LRRC47: variants seen among roughly 807,000 people sequenced by gnomAD.
LRRC47 encodes the protein leucine-rich repeat-containing protein 47.
In LRRC47, 31 loss-of-function variants were observed where a neutral mutation model predicts 40.9. The observed-to-expected ratio is 0.76, with a 90% CI of 0.57 to 1.02. LRRC47 has a LOEUF of 1.02. Among genes scored for constraint, LRRC47 ranks in the 50% least tolerant of loss-of-function variants. The pLI is 0.00. For missense variants in LRRC47, 726 were observed against 796.1 expected, an observed-to-expected ratio of 0.91 and a Z score of 1.06; for synonymous variants, 427 against 371.9, an observed-to-expected ratio of 1.15 and a Z score of -1.70.
In LRRC47 at chr1:3,784,016, C is replaced by T. The variant is rs766327720; in HGVS notation, c.1290G>A (p.Gln430=). ...CCCACCTGTGCAGGCCCGACACACTCTGCCGCTTCTTCTGCTTCCTCTGCT... is the reference window on the plus strand; with the variant it reads ...CCCACCTGTGCAGGCCCGACACACTTTGCCGCTTCTTCTGCTTCCTCTGCT... ...AEEQRKQKKR[Q]SVSGLHRYLH... is the part of the protein sequence containing the mutation. The change falls in exon 4 of 7, where the codon CAG becomes CAA. Residue 430 remains glutamine, a synonymous_variant. Coordinates refer to ENST00000378251, the MANE Select transcript of LRRC47 (RefSeq NM_020710.3). 1.7e-5 allele frequency: 28 copies of T among 1,609,584 alleles called. No homozygotes were observed. Among genetic ancestry groups the T allele is most frequent in the Middle Eastern group, 1.7e-4 (1 of 6,042 alleles).
chr1:3,786,956 T>C lies in LRRC47; in HGVS notation c.970A>G (p.Arg324Gly), dbSNP rs1643581204. Reference protein sequence around the residue: ...VSENPVPLTVRVSPEVRDVRP... With the variant: ...VSENPVPLTVGVSPEVRDVRP... ...ACATCCCGGACCTCGGGGCTCACTC[T>C]GACTGTCAGAGGTACGGGGTTTTCA... Residue 324 changes from arginine to glycine, a missense_variant, in exon 2 of 7, where the codon AGA (arginine) becomes GGA (glycine). Coordinates refer to ENST00000378251, the MANE Select transcript of LRRC47 (RefSeq NM_020710.3). 1 of 1,610,934 alleles carries C rather than the reference T, an allele frequency of 6.2e-7. No individual in the cohort carries two copies. The highest frequency in any genetic ancestry group is 8.5e-7 in the Non-Finnish European group (1 of 1,178,764).
rs181156203 is a variant in LRRC47, at chr1:3,791,391, A to G, written c.616-4081T>C. Among the ~76,000 whole-genome samples the G allele has an allele frequency of 2.7e-3, 405 of 152,288 alleles. 2 individuals are homozygous for G. The highest frequency in any genetic ancestry group is 9.3e-3 in the African/African-American group (388 of 41,550). On this transcript the variant is annotated intron_variant, in intron 1 of 6. Coordinates refer to ENST00000378251, the MANE Select transcript of LRRC47 (RefSeq NM_020710.3). The stretch of plus-strand genomic sequence containing the variant: ...CAAAGAGCCTTCAAGACCCAACGGC[A>G]CGCAGCCACAGAGAGACAGGGCTGG...
At chr1:3,783,679 G>T (rs1356305434) in intron 4 of LRRC47, 5 of 284,784 alleles carry the variant, frequency 1.8e-5, no homozygotes, top group Non-Finnish European at 3.3e-5. Flanking sequence ...TGTGGGTTGG[G>T]CTGGCATTTA....
intron 2 of LRRC47, among the ~76,000 whole-genome samples, 194 bp downstream of exon 2, chr1:3,786,655 C>T (rs950761747): frequency 6.6e-6 from 1 of 152,228 alleles, no homozygotes; most frequent in Non-Finnish European, 1.5e-5. Context: ...GGCCTTACCC[C>T]CTCCTCAGCA....
intron 1 of LRRC47, 95 bp from the exon 2 acceptor site, chr1:3,787,405 A>C: frequency 8.2e-7 from 1 of 1,224,768 alleles, no homozygotes; most frequent in Non-Finnish European, 1.1e-6. Flanking sequence ...CATCACTCAC[A>C]AGAGCCACCA....
intron 2 of LRRC47, among the ~76,000 whole-genome samples, chr1:3,785,770 T>C (rs1033361464): frequency 2.0e-5 from 3 of 152,108 alleles, no homozygotes; most frequent in South Asian, 2.1e-4. Context: ...CTGGCAAGAG[T>C]TGATGACTTT....
At position 3,796,280 on chromosome 1, in the gene LRRC47, GGC is replaced by G; in HGVS notation, c.195_196del (p.Pro66GlyfsTer117). 2 of 1,479,088 alleles carry G rather than the reference GGC, an allele frequency of 1.4e-6. No homozygotes were observed. Among genetic ancestry groups the G allele is most frequent in the Non-Finnish European group, 1.8e-6 (2 of 1,123,366 alleles). The allele number at this position is 1,479,088 out of a possible 1,614,324, so 91.6% of individuals were successfully genotyped here. On this transcript the variant is annotated frameshift_variant, in exon 1 of 7. Coordinates refer to ENST00000378251, the MANE Select transcript of LRRC47 (RefSeq NM_020710.3). LOFTEE classifies it high-confidence loss of function. ...CAGGCCCTGCGCCAGGCCAGGCCCC[GGC>G]GCGCGCAAGCTCCCGCAGCCGCTCA...
Position 3,796,452 on chromosome 1 carries a change from A to C in LRRC47, c.25T>G (p.Ser9Ala). 3.3e-6 allele frequency: 5 copies of C among 1,517,096 alleles called. No homozygotes were observed. Among genetic ancestry groups the C allele is most frequent in the Non-Finnish European group, 4.4e-6 (5 of 1,141,040 alleles). The allele number at this position is 1,517,096 out of a possible 1,614,324, so 94.0% of individuals were successfully genotyped here. Residue 9 changes from serine to alanine, a missense_variant, in exon 1 of 7, where the codon TCT (serine) becomes GCT (alanine). By Grantham distance (99) the Ser-to-Ala change is moderately conservative. Transcript: ENST00000378251. The part of the protein sequence containing the change: MAAAAVSE[S>A]WPELELAERE... ...TCAGCCAGCTCCAGCTCCGGCCAAG[A>C]CTCTGACACCGCTGCCGCCGCCATG...
chr1:3,785,344 G>A (rs564472913), intron 2 of LRRC47, 141 bp from the exon 3 acceptor site: 163 of 447,968 alleles, frequency 3.6e-4, no homozygotes, highest in South Asian at 4.6e-4. Flanking sequence ...GCCCCTTTCC[G>A]AGACAGGGCT....
chr1:3,786,955 C>T lies in LRRC47; in HGVS notation c.971G>A (p.Arg324Lys). The T allele has an allele frequency of 1.2e-6, 2 of 1,610,826 alleles. No homozygotes were observed. Among genetic ancestry groups the T allele is most frequent in the Non-Finnish European group, 1.7e-6 (2 of 1,178,728 alleles). The change falls in exon 2 of 7, where the codon AGA (arginine) becomes AAA (lysine). Residue 324 changes from arginine (R) to lysine (K), a missense_variant. Arg to Lys is a conservative substitution (Grantham distance 26). Transcript: ENST00000378251. ...CACATCCCGGACCTCGGGGCTCACT[C>T]TGACTGTCAGAGGTACGGGGTTTTC... is the stretch of plus-strand genomic sequence containing the variant. ...VSENPVPLTV[R>K]VSPEVRDVRP... is the part of the protein sequence containing the mutation.
chr1:3,791,543 G>C (rs1258936357), intron 1 of LRRC47, among the ~76,000 whole-genome samples: 2 of 152,000 alleles, frequency 1.3e-5, no homozygotes, highest in Admixed American at 6.6e-5. Flanking sequence ...CGAAACCTCC[G>C]CCTCCCAGGT....
Position 3,784,069 on chromosome 1 carries a change from C to A in LRRC47, c.1237G>T (p.Val413Leu). The change falls in exon 4 of 7, where the codon GTG becomes TTG. Residue 413 changes from valine to leucine, a missense_variant. Coordinates refer to ENST00000378251, the MANE Select transcript of LRRC47 (RefSeq NM_020710.3). ...GRKEAKAKEL[V>L]RQLQLEAEEQ... The stretch of plus-strand genomic sequence containing the variant: ...TCGGCCTCCAGCTGCAGCTGCCGCA[C>A]CAGCTCCTTGGCCTTGGCTTCTTTC... 6.2e-7 allele frequency: 1 copy of A among 1,613,428 alleles called. No homozygotes were observed. The highest frequency in any genetic ancestry group is 8.5e-7 in the Non-Finnish European group (1 of 1,179,778).
intron 2 of LRRC47, 92 bp from the exon 3 acceptor site, chr1:3,785,295 G>A (rs1643561544): frequency 1.1e-6 from 1 of 908,284 alleles, no homozygotes; most frequent in East Asian, 3.1e-5. Context: ...CTGTGTGCCA[G>A]GAAACCCTCC....
In LRRC47 at chr1:3,796,195, C is replaced by A; in HGVS notation, c.282G>T (p.Glu94Asp). The change falls in exon 1 of 7, where the codon GAG (glutamate) becomes GAT (aspartate). Residue 94 changes from glutamate (E) to aspartate (D), a missense_variant. Coordinates refer to ENST00000378251, the MANE Select transcript of LRRC47 (RefSeq NM_020710.3). ...CCCGAAGGGCAGGCAGCGGCCCGAG[C>A]TCGGGGCTCAGGCCGGGCCCCAGCG... ...RNALGPGLSPELGPLPALRVL... is the reference protein window; with the variant it reads ...RNALGPGLSPDLGPLPALRVL... The A allele has an allele frequency of 7.0e-7, 1 of 1,435,842 alleles. No individual in the cohort carries two copies. The highest frequency in any genetic ancestry group is 9.1e-7 in the Non-Finnish European group (1 of 1,101,088). 88.9% of individuals were successfully genotyped at this position (1,435,842 alleles called of 1,614,324 possible).
At position 3,782,753 on chromosome 1, in the gene LRRC47, A is replaced by G; in HGVS notation, c.1321T>C (p.Leu441=). 6.3e-7 allele frequency: 1 copy of G among 1,596,018 alleles called. No homozygotes were observed. Among genetic ancestry groups the G allele is most frequent in the South Asian group, 1.1e-5 (1 of 90,720 alleles). ...GGGTAATTTTCATTTCCATCCAGCA[A>G]GTGAAGGTATCTGTATGGGAAGAAA... ...SVSGLHRYLH[L]LDGNENYPCL... The change falls in exon 5 of 7, where the codon TTG becomes CTG. Residue 441 remains leucine, a synonymous_variant. Coordinates refer to ENST00000378251, the MANE Select transcript of LRRC47 (RefSeq NM_020710.3).
intron 1 of LRRC47, among the ~76,000 whole-genome samples, chr1:3,793,600 T>C (rs1013105396): frequency 1.1e-4 from 17 of 152,154 alleles, no homozygotes; most frequent in African/African-American, 3.6e-4. Flanking sequence ...GGTCACAAGA[T>C]ATGCGACTTC....
intron 1 of LRRC47, among the ~76,000 whole-genome samples, chr1:3,794,557 G>A (rs2124615828): frequency 6.6e-6 from 1 of 152,062 alleles, no homozygotes; most frequent in South Asian, 2.1e-4. Flanking sequence ...TGTTGGCCAG[G>A]CTGGTGGTGT....
chr1:3,786,829 G>C lies in LRRC47; in HGVS notation c.1077+20C>G, dbSNP rs762395558. The C allele has an allele frequency of 1.1e-5, 17 of 1,559,558 alleles. No homozygotes were observed. The East Asian group carries it at 3.3e-4, about 30-fold the overall frequency. ...TCACACCTCTGTCCCAGTCATCTGA[G>C]GACCCCCACGGGCACCCACCTGCGA... On this transcript the variant is annotated intron_variant, in intron 2 of 6. Transcript: ENST00000378251.
At chr1:3,790,393 A>G (rs1643616547) in intron 1 of LRRC47, among the ~76,000 whole-genome samples, 1 of 152,220 alleles carries the variant, frequency 6.6e-6, no homozygotes, top group Non-Finnish European at 1.5e-5. Flanking sequence ...AGGGCCTGAA[A>G]GGATGTCTTT....
Sources: allele counts gnomAD v4.1 joint callset (sites outside exome capture counted in the v4.1 genomes callset), GRCh38; gene constraint gnomAD v4.1.1; transcripts MANE v1.5; gene names NCBI Gene and HGNC (gene_info 2026-07-23, HGNC 2026-07-21).